The following PDE1C variants were observed in gnomAD, a reference collection of about 807,000 sequenced individuals.
PDE1C encodes phosphodiesterase 1C, also known as dual specificity calcium/calmodulin-dependent 3',5'-cyclic nucleotide phosphodiesterase 1C.
A neutral mutation model predicts 93.1 loss-of-function variants in PDE1C; 62 were observed. The observed-to-expected ratio is 0.67, with a 90% CI of 0.54 to 0.82. The LOEUF is 0.82. Among genes scored for constraint, PDE1C ranks in the 40% least tolerant of loss-of-function variants. PDE1C has a pLI of 0.00. For synonymous variants in PDE1C, 325 were observed against 310.1 expected (o/e 1.05, Z -0.50); for missense variants, 742 against 884.6 (o/e 0.84, Z 2.04).
At chr7:32,308,018 T>C (rs1813059653) in intron 1 of PDE1C, among the ~76,000 whole-genome samples, 1 of 152,182 alleles carries the variant, frequency 6.6e-6, no homozygotes, top group Non-Finnish European at 1.5e-5. Context: ...GAAAATCCGG[T>C]CACTCCCACC....
chr7:32,227,124 C>T (rs569829010), intron 1 of PDE1C, among the ~76,000 whole-genome samples: 12 of 152,192 alleles, frequency 7.9e-5, no homozygotes, highest in Non-Finnish European at 1.6e-4. Flanking sequence ...AGTGTGTGCT[C>T]AAGTCTGGGC....
intron 2 of PDE1C, among the ~76,000 whole-genome samples, chr7:32,006,186 A>C (rs1438464226): frequency 6.6e-6 from 1 of 152,132 alleles, no homozygotes; most frequent in Non-Finnish European, 1.5e-5. Context: ...ATACCGTTGA[A>C]ATTTTTTCAG....
chr7:32,242,017 G>C (rs1808577361), intron 1 of PDE1C, among the ~76,000 whole-genome samples: 1 of 152,144 alleles, frequency 6.6e-6, no homozygotes, highest in Admixed American at 6.5e-5. Context: ...CAAATTTTGA[G>C]AATATAAAAT....
intron 2 of PDE1C, among the ~76,000 whole-genome samples, chr7:32,197,583 G>A (rs940271350): frequency 2.0e-5 from 3 of 152,102 alleles, no homozygotes; most frequent in East Asian, 1.9e-4. Context: ...AAAATAAAAC[G>A]TATATCCATA....
chr7:32,187,741 T>C (rs981153626), intron 2 of PDE1C, among the ~76,000 whole-genome samples: 1 of 152,218 alleles, frequency 6.6e-6, no homozygotes, highest in Non-Finnish European at 1.5e-5. Flanking sequence ...ACATAAATAA[T>C]TTTAACAACT....
chr7:32,271,429 A>G (rs1810957548), intron 1 of PDE1C, among the ~76,000 whole-genome samples: 1 of 152,246 alleles, frequency 6.6e-6, no homozygotes, highest in Non-Finnish European at 1.5e-5. Flanking sequence ...ATCATTTCTT[A>G]AAGAGAAGTG....
intron 2 of PDE1C, among the ~76,000 whole-genome samples, chr7:32,029,800 G>A (rs2128633037): frequency 6.6e-6 from 1 of 152,184 alleles, no homozygotes; most frequent in Non-Finnish European, 1.5e-5. Flanking sequence ...ACATCTGAAA[G>A]AGATAGAAAG....
intron 2 of PDE1C, among the ~76,000 whole-genome samples, chr7:31,956,176 T>C (rs1270447427): frequency 6.6e-6 from 1 of 151,834 alleles, no homozygotes; most frequent in African/African-American, 2.4e-5. Context: ...TCACTGCAAC[T>C]TCCGCCTCCC....
At chr7:32,340,316 T>A (rs17161207) in intron 1 of PDE1C, among the ~76,000 whole-genome samples, 25,090 of 152,024 alleles carry the variant, frequency 0.17, 2,510 homozygotes, top group South Asian at 0.29. Context: ...TAAATGCTGA[T>A]GTTGCCCCCA....
At chr7:31,696,859 G>T in the PDE1C span, 2 of 1,281,984 alleles carry the variant, frequency 1.6e-6, no homozygotes, top group Non-Finnish European at 2.1e-6. Context: ...AGTTTGGAAA[G>T]CTATATTGAC....
chr7:31,854,250 G>A (rs1356362870), intron 7 of PDE1C, among the ~76,000 whole-genome samples: 1 of 152,144 alleles, frequency 6.6e-6, no homozygotes, highest in African/African-American at 2.4e-5. Flanking sequence ...AACAGAAACA[G>A]AGAAAGTGGG....
intron 2 of PDE1C, among the ~76,000 whole-genome samples, chr7:31,948,141 T>C (rs60071586): frequency 0.074 from 11,287 of 152,214 alleles, 1,004 homozygotes; most frequent in African/African-American, 0.22. Context: ...TAAGCAACTC[T>C]GCTCACCAAG....
At chr7:32,403,484 G>A (rs1462512682) in intron 1 of PDE1C, among the ~76,000 whole-genome samples, 2 of 152,154 alleles carry the variant, frequency 1.3e-5, no homozygotes, top group Non-Finnish European at 1.5e-5. Context: ...TGTATGTTAA[G>A]GCTTGAAGAC....
At chr7:32,002,299 A>C (rs995520410) in intron 2 of PDE1C, among the ~76,000 whole-genome samples, 3 of 152,210 alleles carry the variant, frequency 2.0e-5, no homozygotes, top group African/African-American at 7.2e-5. Flanking sequence ...CACATTCATA[A>C]ATATCTACAG....
At chr7:32,377,442 T>C (rs1451856431) in intron 1 of PDE1C, among the ~76,000 whole-genome samples, 2 of 152,330 alleles carry the variant, frequency 1.3e-5, no homozygotes, top group African/African-American at 2.4e-5. Context: ...TAGCGTATGG[T>C]TCCCCATCAC....
At chr7:31,643,198 C>T in the PDE1C span, 1 of 1,613,970 alleles carries the variant, frequency 6.2e-7, no homozygotes, top group African/African-American at 1.3e-5. Context: ...AGACAAGTTC[C>T]TTCATGTTGA....
chr7:31,940,030 C>T (rs1805604907), intron 2 of PDE1C, among the ~76,000 whole-genome samples: 1 of 152,186 alleles, frequency 6.6e-6, no homozygotes, highest in Non-Finnish European at 1.5e-5. Flanking sequence ...TGGCATCCAG[C>T]TCTGGCTGCA....
chr7:32,387,298 T>C (rs1784647697), intron 1 of PDE1C, among the ~76,000 whole-genome samples: 1 of 151,920 alleles, frequency 6.6e-6, no homozygotes. Flanking sequence ...CCGGCAACCA[T>C]CCGATTTCTC....
chr7:32,056,145 A>G (rs1224984169), intron 1 of PDE1C, among the ~76,000 whole-genome samples: 1 of 152,100 alleles, frequency 6.6e-6, no homozygotes, highest in Non-Finnish European at 1.5e-5. Context: ...AGAGAATGAC[A>G]AAGAGCTGTT....
Sources: gnomAD v4.1 joint callset for allele counts (sites outside exome capture counted in the v4.1 genomes callset) on GRCh38, gnomAD v4.1.1 for gene constraint, MANE v1.5 for transcripts, NCBI Gene and HGNC (gene_info 2026-07-23, HGNC 2026-07-21) for gene names.